Variants in KCNMB2 observed in about 807,000 individuals in gnomAD.
The protein encoded by KCNMB2 is calcium-activated potassium channel subunit beta-2.
A neutral mutation model predicts 24.5 loss-of-function variants in KCNMB2; 9 were observed. The ratio of observed to expected loss-of-function variants is 0.37; its 90% CI spans 0.22 to 0.64. The LOEUF is 0.64. KCNMB2 is among the 30% of genes least tolerant of loss of function. The pLI is 0.63. For missense variants in KCNMB2, 226 were observed against 284.3 expected (o/e 0.79, Z 1.47); for synonymous variants, 109 against 104.4 (o/e 1.04, Z -0.27).
At chr3:178,785,393 TAAC>T (rs1401764804) in intron 1 of KCNMB2, among the ~76,000 whole-genome samples, 5 of 152,058 alleles carry the variant, frequency 3.3e-5, no homozygotes, top group East Asian at 3.9e-4. Context: ...TATACAGTAA[TAAC>T]AATAATTGAT....
chr3:178,768,020 C>CTT lies in KCNMB2; in HGVS notation c.-67-39312_-67-39311dup, dbSNP rs11291814. Among the ~76,000 whole-genome samples the CTT allele has an allele frequency of 4.0e-5, 6 of 148,192 alleles. No homozygotes were observed. The East Asian group carries it at 1.2e-3, about 29-fold the overall frequency. ...ATACCCACATTGGTTCTTGCCCAGT[C>CTT]TTTTTTTTTTTTCCAGGAAAGATAT... On this transcript the variant is annotated intron_variant, in intron 1 of 4. Coordinates refer to ENST00000452583, the MANE Select transcript of KCNMB2 (RefSeq NM_181361.3).
At chr3:178,538,338 C>T (rs1715476751) in intron 1 of KCNMB2, among the ~76,000 whole-genome samples, 1 of 152,180 alleles carries the variant, frequency 6.6e-6, no homozygotes, top group African/African-American at 2.4e-5. Context: ...AATGTGTGCC[C>T]TTGACCTTGT....
At chr3:178,765,025 T>C (rs1712057591) in intron 1 of KCNMB2, among the ~76,000 whole-genome samples, 1 of 152,214 alleles carries the variant, frequency 6.6e-6, no homozygotes, top group African/African-American at 2.4e-5. Flanking sequence ...TTACTCTTCT[T>C]TGATGTCTAG....
rs144492927 is a variant in KCNMB2, at chr3:178,775,984, C to A, written c.-67-31359C>A. Among the ~76,000 whole-genome samples the A allele has an allele frequency of 3.2e-4, 48 of 152,278 alleles. 1 individual carries two copies. In the Middle Eastern group the frequency reaches 0.014, roughly 43 times the overall value. On this transcript the variant is annotated intron_variant, in intron 1 of 4. Coordinates refer to ENST00000452583, the MANE Select transcript of KCNMB2 (RefSeq NM_181361.3). ...ATCTTAAGCACCCCTTCCCTTCTCA[C>A]CCTGCAGAATTTTCTTAAAAATTCT...
At chr3:178,647,713 T>C (rs1371893610) in intron 1 of KCNMB2, among the ~76,000 whole-genome samples, 1 of 152,196 alleles carries the variant, frequency 6.6e-6, no homozygotes, top group Non-Finnish European at 1.5e-5. Context: ...TATTTATTTA[T>C]TCATCAAACC....
In KCNMB2 at chr3:178,719,221, C is replaced by A. The variant is rs1441658186; in HGVS notation, c.-67-88122C>A. ...CCCTTTCTCCTGTCAGCATACCAAACCCTGTACAGGAGGCTGGCATTGTTC... is the reference window on the plus strand; with the variant it reads ...CCCTTTCTCCTGTCAGCATACCAAAACCTGTACAGGAGGCTGGCATTGTTC... On this transcript the variant is annotated intron_variant, in intron 1 of 4. Coordinates refer to ENST00000452583, the MANE Select transcript of KCNMB2 (RefSeq NM_181361.3). 2.0e-5 allele frequency among the ~76,000 whole-genome samples: 3 copies of A among 152,220 alleles called. No homozygotes were observed. The East Asian group carries it at 5.8e-4, about 29-fold the overall frequency.
chr3:178,693,100 G>A (rs568815896), intron 1 of KCNMB2, among the ~76,000 whole-genome samples: 55 of 152,302 alleles, frequency 3.6e-4, no homozygotes, highest in African/African-American at 1.3e-3. Flanking sequence ...CATTGATTTT[G>A]TATCCTGAGA....
chr3:178,719,927 C>T (rs1414751241), intron 1 of KCNMB2, among the ~76,000 whole-genome samples: 1 of 152,068 alleles, frequency 6.6e-6, no homozygotes, highest in Non-Finnish European at 1.5e-5. Flanking sequence ...AAAGTTTTCC[C>T]TTGTCCAGAA....
chr3:178,562,671 T>C (rs939729968), intron 1 of KCNMB2, among the ~76,000 whole-genome samples: 2 of 152,150 alleles, frequency 1.3e-5, no homozygotes, highest in African/African-American at 4.8e-5. Flanking sequence ...AAAAATGCAT[T>C]GTAAGGAAAT....
At chr3:178,817,038 A>G (rs1215225479) in intron 2 of KCNMB2, among the ~76,000 whole-genome samples, 1 of 152,030 alleles carries the variant, frequency 6.6e-6, no homozygotes, top group African/African-American at 2.4e-5. Flanking sequence ...CTAATAAGCT[A>G]AAGGCAGGAC....
intron 1 of KCNMB2, among the ~76,000 whole-genome samples, chr3:178,744,241 G>C (rs910825129): frequency 3.3e-5 from 5 of 152,192 alleles, no homozygotes; most frequent in Admixed American, 3.3e-4. Context: ...GATAAATATA[G>C]ATTAATAACC....
intron 1 of KCNMB2, among the ~76,000 whole-genome samples, chr3:178,708,020 G>A (rs574471763): frequency 2.6e-5 from 4 of 152,242 alleles, no homozygotes; most frequent in African/African-American, 9.6e-5. Context: ...ATCACTTCCA[G>A]TTTGGAGCTG....
chr3:178,798,356 T>A (rs1429626066), intron 1 of KCNMB2, among the ~76,000 whole-genome samples: 2 of 152,122 alleles, frequency 1.3e-5, no homozygotes, highest in Non-Finnish European at 2.9e-5. Flanking sequence ...CAGCTGTAAA[T>A]CCATCTGGTC....
Position 178,756,417 on chromosome 3 carries a change from C to A in KCNMB2, c.-67-50926C>A, listed in dbSNP as rs1035637642. The stretch of plus-strand genomic sequence containing the variant: ...CCTCTGGTCACAATGTTTCTGTCAA[C>A]CAATCAAAACAAAACCTTGTTTTAT... On this transcript the variant is annotated intron_variant, in intron 1 of 4. Coordinates refer to ENST00000452583, the MANE Select transcript of KCNMB2 (RefSeq NM_181361.3). Among the ~76,000 whole-genome samples, 3 of 152,064 alleles carry A rather than the reference C, an allele frequency of 2.0e-5. No individual in the cohort carries two copies. The East Asian group carries it at 5.8e-4, about 29-fold the overall frequency.
intron 2 of KCNMB2, 83 bp downstream of exon 2, chr3:178,807,548 C>A: frequency 8.6e-7 from 1 of 1,165,644 alleles, no homozygotes; most frequent in Non-Finnish European, 1.3e-6. Flanking sequence ...AAGTAGTAGG[C>A]AACTGAGCCT....
At chr3:178,616,734 TCTC>T (rs1240426289) in intron 1 of KCNMB2, among the ~76,000 whole-genome samples, 3 of 152,202 alleles carry the variant, frequency 2.0e-5, no homozygotes, top group African/African-American at 7.2e-5. Flanking sequence ...GAAGCTTCTA[TCTC>T]ACCATCTTGC....
intron 1 of KCNMB2, among the ~76,000 whole-genome samples, chr3:178,554,869 C>T (rs903190778): frequency 7.9e-5 from 12 of 152,212 alleles, no homozygotes; most frequent in African/African-American, 2.7e-4. Context: ...TTTGTAAGGA[C>T]ATGGGTCTCT....
chr3:178,704,106 G>A (rs1722198555), intron 1 of KCNMB2, among the ~76,000 whole-genome samples: 1 of 152,034 alleles, frequency 6.6e-6, no homozygotes. Context: ...GTCTTTTTAT[G>A]TTTAATTTTA....
intron 1 of KCNMB2, among the ~76,000 whole-genome samples, chr3:178,715,174 G>A (rs963066813): frequency 2.0e-5 from 3 of 152,056 alleles, no homozygotes; most frequent in African/African-American, 7.2e-5. Context: ...AAGCAATGTG[G>A]GCTGATTATT....
Sources: allele counts gnomAD v4.1 joint callset (sites outside exome capture counted in the v4.1 genomes callset), GRCh38; gene constraint gnomAD v4.1.1; transcripts MANE v1.5; gene names NCBI Gene and HGNC (gene_info 2026-07-23, HGNC 2026-07-21).